SLIT2: variants seen among roughly 807,000 people sequenced by gnomAD.
The protein encoded by SLIT2 is slit homolog 2 protein.
In SLIT2, 41 loss-of-function variants were observed where a neutral mutation model predicts 185.7. The observed-to-expected ratio is 0.22, with a 90% CI of 0.17 to 0.29. SLIT2 has a LOEUF of 0.29. SLIT2 is among the 10% of genes least tolerant of loss of function. The pLI is 1.00. For missense variants in SLIT2, 1,571 were observed against 1,909.0 expected, an observed-to-expected ratio of 0.82 and a Z score of 3.30; for synonymous variants, 693 against 680.2, an observed-to-expected ratio of 1.02 and a Z score of -0.29.
At chr4:20,507,297 A>G (rs1156256851) in intron 9 of SLIT2, among the ~76,000 whole-genome samples, 1 of 152,026 alleles carries the variant, frequency 6.6e-6, no homozygotes, top group Non-Finnish European at 1.5e-5. Context: ...AGAAATTATC[A>G]TAACATATAT....
chr4:20,502,015 G>C (rs2148814179), intron 9 of SLIT2, among the ~76,000 whole-genome samples: 2 of 152,124 alleles, frequency 1.3e-5, no homozygotes, highest in Admixed American at 1.3e-4. Flanking sequence ...AATTTCCCAA[G>C]AAGTTATTTA....
At chr4:20,563,680 A>G (rs1250899020) in intron 26 of SLIT2, among the ~76,000 whole-genome samples, 1 of 150,308 alleles carries the variant, frequency 6.7e-6, no homozygotes, top group Non-Finnish European at 1.5e-5. Flanking sequence ...ATAGATAAAC[A>G]GCAAGATCTA....
chr4:20,502,576 T>G (rs1396297169), intron 9 of SLIT2, among the ~76,000 whole-genome samples: 1 of 152,154 alleles, frequency 6.6e-6, no homozygotes, highest in East Asian at 1.9e-4. Context: ...CCTTGGAGAA[T>G]CAAATAATCT....
At chr4:20,260,889 T>G (rs1291628730) in intron 3 of SLIT2, among the ~76,000 whole-genome samples, 1 of 151,756 alleles carries the variant, frequency 6.6e-6, no homozygotes. Flanking sequence ...CCTCACCTCC[T>G]TCTTTTTTTC....
At chr4:20,341,411 C>T (rs961102689) in intron 4 of SLIT2, among the ~76,000 whole-genome samples, 13 of 152,174 alleles carry the variant, frequency 8.5e-5, no homozygotes, top group African/African-American at 2.7e-4. Context: ...GTTTTGTTTA[C>T]TGTAACTTTT....
chr4:20,322,256 G>T (rs1302119422), intron 4 of SLIT2, among the ~76,000 whole-genome samples: 1 of 152,172 alleles, frequency 6.6e-6, no homozygotes, highest in Non-Finnish European at 1.5e-5. Flanking sequence ...AGATTCTGAT[G>T]ACATGTGCCC....
chr4:20,351,072 G>A (rs1391886709), intron 4 of SLIT2, among the ~76,000 whole-genome samples: 2 of 141,948 alleles, frequency 1.4e-5, no homozygotes, highest in Non-Finnish European at 3.0e-5. Flanking sequence ...TTTTGAGACT[G>A]AGTTTTGCCC....
intron 4 of SLIT2, among the ~76,000 whole-genome samples, chr4:20,409,035 C>T (rs181870774): frequency 6.6e-5 from 10 of 151,980 alleles, no homozygotes; most frequent in African/African-American, 2.2e-4. Flanking sequence ...TCAGAGACTG[C>T]AGCTCACGAA....
chr4:20,393,563 T>C (rs1259875537), intron 4 of SLIT2: 2 of 152,182 alleles, frequency 1.3e-5, no homozygotes. Flanking sequence ...TTGGTTGATT[T>C]AGAAAAAACA....
At chr4:20,404,718 A>G (rs1467403643) in intron 4 of SLIT2, among the ~76,000 whole-genome samples, 2 of 152,066 alleles carry the variant, frequency 1.3e-5, no homozygotes, top group Admixed American at 6.6e-5. Context: ...TAAACAAAAC[A>G]GCACATTTCT....
Position 20,433,120 on chromosome 4 carries a change from A to G in SLIT2, c.396-34632A>G, listed in dbSNP as rs933699752. Among the ~76,000 whole-genome samples the G allele has an allele frequency of 7.2e-5, 11 of 152,284 alleles. No individual in the cohort carries two copies. In the South Asian group the frequency reaches 1.2e-3, roughly 17 times the overall value. On this transcript the variant is annotated intron_variant, in intron 4 of 36. Coordinates refer to ENST00000504154, the MANE Select transcript of SLIT2 (RefSeq NM_004787.4). The stretch of plus-strand genomic sequence containing the variant: ...TGTGTATGTGTATACCACATACTTT[A>G]TTTAGTTAGCTTCTGAATCTTACAG...
In SLIT2 at chr4:20,265,515, T is replaced by C. The variant is rs190067400; in HGVS notation, c.324-3295T>C. Among the ~76,000 whole-genome samples, 280 of 152,090 alleles carry C rather than the reference T, an allele frequency of 1.8e-3. 1 individual carries two copies. In the Middle Eastern group the frequency reaches 0.024, roughly 13 times the overall value. Reference sequence around the variant, plus strand: ...ACATTACTTACGTTATCTGTCCTTTTTGTGCAATACCACCTTGTCTTATCC... The same window carrying C: ...ACATTACTTACGTTATCTGTCCTTTCTGTGCAATACCACCTTGTCTTATCC... On this transcript the variant is annotated intron_variant, in intron 3 of 36. Transcript: ENST00000504154.
At chr4:20,446,783 CTA>C (rs1711850576) in intron 4 of SLIT2, among the ~76,000 whole-genome samples, 1 of 152,148 alleles carries the variant, frequency 6.6e-6, no homozygotes, top group African/African-American at 2.4e-5. Flanking sequence ...ACTATTAACT[CTA>C]TGTACAGACG....
chr4:20,514,205 C>T (rs1278506164), intron 11 of SLIT2, among the ~76,000 whole-genome samples: 1 of 152,160 alleles, frequency 6.6e-6, no homozygotes, highest in Non-Finnish European at 1.5e-5. Context: ...GTTTTGCTTA[C>T]ACCTGATATT....
At chr4:20,370,057 T>A (rs1388284562) in intron 4 of SLIT2, among the ~76,000 whole-genome samples, 1 of 152,108 alleles carries the variant, frequency 6.6e-6, no homozygotes, top group Non-Finnish European at 1.5e-5. Context: ...CCAGACCAAC[T>A]GAATAAGATT....
chr4:20,583,694 A>C (rs559693324), intron 29 of SLIT2, among the ~76,000 whole-genome samples: 1 of 152,210 alleles, frequency 6.6e-6, no homozygotes, highest in Non-Finnish European at 1.5e-5. Flanking sequence ...CTGTAGTCCC[A>C]GCTACTGGGG....
At chr4:20,473,050 CTTAAA>C (rs1715733003) in intron 5 of SLIT2, among the ~76,000 whole-genome samples, 2 of 151,920 alleles carry the variant, frequency 1.3e-5, no homozygotes, top group South Asian at 2.1e-4. Flanking sequence ...AATATGATTA[CTTAAA>C]TTAATTAAAT....
intron 4 of SLIT2, among the ~76,000 whole-genome samples, chr4:20,402,345 T>C (rs1270513004): frequency 6.6e-6 from 1 of 151,956 alleles, no homozygotes; most frequent in African/African-American, 2.4e-5. Flanking sequence ...TTGATTTATC[T>C]GCATGAAACT....
At chr4:20,440,289 G>A (rs1241477646) in intron 4 of SLIT2, among the ~76,000 whole-genome samples, 2 of 152,230 alleles carry the variant, frequency 1.3e-5, no homozygotes, top group East Asian at 1.9e-4. Flanking sequence ...TCATCATTAC[G>A]TTGCATTTCC....
Sources: allele counts gnomAD v4.1 joint callset (sites outside exome capture counted in the v4.1 genomes callset), GRCh38; gene constraint gnomAD v4.1.1; transcripts MANE v1.5; gene names NCBI Gene and HGNC (gene_info 2026-07-23, HGNC 2026-07-21).